The following NKAIN3 variants were observed in gnomAD, a reference collection of about 807,000 sequenced individuals.
NKAIN3 encodes sodium/potassium transporting ATPase interacting 3, also known as sodium/potassium-transporting ATPase subunit beta-1-interacting protein 3.
A neutral mutation model predicts 30.2 loss-of-function variants in NKAIN3; 25 were observed. The observed-to-expected ratio is 0.83, with a 90% confidence interval of 0.60 to 1.16. The LOEUF (loss-of-function observed/expected upper bound fraction) is 1.16. NKAIN3 is among the 50% of genes most tolerant of loss of function. The probability of loss-of-function intolerance (pLI) is 0.00; values close to 1 mark genes in which losing one functional copy is unlikely to be tolerated. For synonymous variants in NKAIN3, 91 were observed against 89.6 expected (o/e 1.02, Z -0.09); for missense variants, 225 against 254.1 (o/e 0.89, Z 0.78).
intron 1 of NKAIN3, among the ~76,000 whole-genome samples, chr8:62,297,827 A>C (rs1247520893): frequency 6.6e-6 from 1 of 152,240 alleles, no homozygotes; most frequent in Non-Finnish European, 1.5e-5. Context: ...TACTGGGTAT[A>C]TACCCAAAGG....
chr8:62,295,449 C>A (rs1032530130), intron 1 of NKAIN3, among the ~76,000 whole-genome samples: 1 of 152,156 alleles, frequency 6.6e-6, no homozygotes, highest in Non-Finnish European at 1.5e-5. Context: ...TCTGACCTCA[C>A]ATCATGGTTT....
chr8:62,290,235 T>C (rs1415485203), intron 1 of NKAIN3, among the ~76,000 whole-genome samples: 1 of 152,206 alleles, frequency 6.6e-6, no homozygotes, highest in Non-Finnish European at 1.5e-5. Flanking sequence ...ATCCTTTATT[T>C]CTTTCTCTTG....
intron 4 of NKAIN3, among the ~76,000 whole-genome samples, chr8:62,765,913 T>C (rs1816822828): frequency 6.6e-6 from 1 of 152,144 alleles, no homozygotes; most frequent in African/African-American, 2.4e-5. Flanking sequence ...ATTTTAAAAA[T>C]ATACTTTAAA....
chr8:62,286,787 GCAT>G (rs1486569936), intron 1 of NKAIN3, among the ~76,000 whole-genome samples: 1 of 152,074 alleles, frequency 6.6e-6, no homozygotes, highest in African/African-American at 2.4e-5. Context: ...GTTCATTTCA[GCAT>G]AAGATTGAGC....
intron 4 of NKAIN3, among the ~76,000 whole-genome samples, chr8:62,821,580 T>C (rs931488618): frequency 2.6e-5 from 4 of 152,108 alleles, no homozygotes; most frequent in Non-Finnish European, 5.9e-5. Flanking sequence ...CCTTTTTGAA[T>C]TGTGTCATTA....
chr8:62,714,816 A>G (rs893737224), intron 3 of NKAIN3, among the ~76,000 whole-genome samples: 1 of 152,244 alleles, frequency 6.6e-6, no homozygotes, highest in Non-Finnish European at 1.5e-5. Context: ...CTAAAATACG[A>G]TGCTTGGATC....
chr8:62,641,932 A>G (rs1331322044), intron 3 of NKAIN3, among the ~76,000 whole-genome samples: 3 of 152,116 alleles, frequency 2.0e-5, no homozygotes, highest in Non-Finnish European at 4.4e-5. Flanking sequence ...AATAGTAGCC[A>G]TAAAAGAGGC....
chr8:62,872,282 A>G (rs978604274), intron 4 of NKAIN3, among the ~76,000 whole-genome samples: 6 of 152,268 alleles, frequency 3.9e-5, no homozygotes, highest in African/African-American at 1.4e-4. Flanking sequence ...TGACTAGAGC[A>G]TATTTGTATC....
rs1283976371 is a variant in NKAIN3 at position 62,974,884 on chromosome 8, T to C, written c.*9477T>C. Among the ~76,000 whole-genome samples the C allele has an allele frequency of 6.6e-6, 1 of 152,232 alleles. No individual in the cohort carries two copies. On this transcript the variant is annotated 3_prime_UTR_variant, in exon 7 of 7. Transcript: ENST00000623646. ...TTTTAGCATGAAGGAGGGTTGAATT[T>C]TGTCGAAGGCCTTTTCCGCATCTAT...
At chr8:62,822,556 T>A (rs1818881042) in intron 4 of NKAIN3, among the ~76,000 whole-genome samples, 1 of 152,198 alleles carries the variant, frequency 6.6e-6, no homozygotes, top group African/African-American at 2.4e-5. Flanking sequence ...GGAACACTTA[T>A]GTTTGAACCC....
chr8:62,953,463 A>T (rs1823339704), intron 5 of NKAIN3, among the ~76,000 whole-genome samples: 1 of 152,216 alleles, frequency 6.6e-6, no homozygotes, highest in South Asian at 2.1e-4. Flanking sequence ...TTGGGGACAG[A>T]AGGCATTGGA....
intron 3 of NKAIN3, among the ~76,000 whole-genome samples, chr8:62,592,156 A>G (rs938889522): frequency 6.6e-6 from 1 of 152,000 alleles, no homozygotes; most frequent in Non-Finnish European, 1.5e-5. Flanking sequence ...CCAATGACAG[A>G]CATGGCCTAT....
chr8:62,637,799 A>G (rs766142415), intron 3 of NKAIN3, among the ~76,000 whole-genome samples: 89 of 152,282 alleles, frequency 5.8e-4, no homozygotes, highest in Non-Finnish European at 1.1e-3. Context: ...AGTGAGGCCA[A>G]CGAGGGGAGA....
chr8:62,365,123 C>G (rs983434627), intron 1 of NKAIN3, among the ~76,000 whole-genome samples: 1 of 152,020 alleles, frequency 6.6e-6, no homozygotes, highest in Non-Finnish European at 1.5e-5. Flanking sequence ...TTACAACTTA[C>G]TTCATTTTAA....
At chr8:62,591,859 G>A (rs1181772094) in intron 3 of NKAIN3, among the ~76,000 whole-genome samples, 3 of 151,912 alleles carry the variant, frequency 2.0e-5, no homozygotes, top group Non-Finnish European at 4.4e-5. Context: ...ATAAAGCAAA[G>A]TTAAGGACCC....
At chr8:62,710,127 G>A (rs184707021) in intron 3 of NKAIN3, among the ~76,000 whole-genome samples, 5 of 152,150 alleles carry the variant, frequency 3.3e-5, no homozygotes, top group East Asian at 3.9e-4. Flanking sequence ...ACTGAAGCTC[G>A]TTTTATGGCC....
chr8:62,272,076 A>T (rs761090224), intron 1 of NKAIN3, among the ~76,000 whole-genome samples: 1 of 152,202 alleles, frequency 6.6e-6, no homozygotes, highest in Non-Finnish European at 1.5e-5. Context: ...AAACTGCTCA[A>T]TTGTTTGTTG....
At chr8:62,396,946 G>A (rs555918093) in intron 1 of NKAIN3, among the ~76,000 whole-genome samples, 70 of 152,256 alleles carry the variant, frequency 4.6e-4, no homozygotes, top group Non-Finnish European at 6.8e-4. Context: ...GCCCTTGAGC[G>A]GGCAGTGATA....
chr8:62,334,498 C>G (rs999921662), intron 1 of NKAIN3, among the ~76,000 whole-genome samples: 7 of 152,100 alleles, frequency 4.6e-5, no homozygotes, highest in Non-Finnish European at 8.8e-5. Context: ...TTTACCTTAA[C>G]TTGGTTGCAT....
Sources: allele counts gnomAD v4.1 joint callset (sites outside exome capture counted in the v4.1 genomes callset), GRCh38; gene constraint gnomAD v4.1.1; transcripts MANE v1.5; gene names NCBI Gene and HGNC (gene_info 2026-07-23, HGNC 2026-07-21).